Variants in MYO10 observed in about 807,000 individuals in gnomAD.
MYO10 encodes unconventional myosin-X.
MYO10 carries 133 observed loss-of-function variants against 257.3 expected under a neutral mutation model. The observed-to-expected ratio is 0.52, with a 90% CI of 0.45 to 0.60. The LOEUF is 0.60. Ranked by LOEUF, MYO10 falls within the 20% of genes least tolerant of loss-of-function variation. The pLI, the probability that MYO10 is intolerant of heterozygous loss-of-function variation, is 0.00. For missense variants in MYO10, 2,399 were observed against 2,635.7 expected (o/e 0.91, Z 1.97); for synonymous variants, 1,104 against 1,028.6 (o/e 1.07, Z -1.40).
intron 21 of MYO10, 82 bp from the exon 22 acceptor site, chr5:16,704,767 G>A (rs1738252777): frequency 2.8e-6 from 3 of 1,078,056 alleles, no homozygotes; most frequent in African/African-American, 1.6e-5. Context: ...GATATCTTCT[G>A]GAGTTAAGGC....
chr5:16,902,674 A>T lies in MYO10; in HGVS notation c.22-24967T>A, dbSNP rs553434464. ...GCATGGACCGGAGAGAGGCCCGGCT[A>T]ATTTTTTGTATTTTTAGTGGAGATG... On this transcript the variant is annotated intron_variant, in intron 1 of 40. Transcript: ENST00000513610. The T allele has an allele frequency of 2.8e-6, 3 of 1,086,188 alleles. No individual in the cohort carries two copies. In the Admixed American group the frequency reaches 5.1e-5, roughly 18 times the overall value. The allele number at this position is 1,086,188 out of a possible 1,614,324, so 67.3% of individuals were successfully genotyped here.
chr5:16,832,387 T>C (rs1743188090), intron 2 of MYO10, among the ~76,000 whole-genome samples: 2 of 152,226 alleles, frequency 1.3e-5, no homozygotes, highest in Non-Finnish European at 1.5e-5. Flanking sequence ...AATACATTTT[T>C]ATAAAATGAG....
intron 4 of MYO10, among the ~76,000 whole-genome samples, chr5:16,791,887 T>C (rs961476217): frequency 3.9e-5 from 6 of 152,212 alleles, no homozygotes; most frequent in South Asian, 2.1e-4. Flanking sequence ...AATTGTTTTA[T>C]TGGGTATGTG....
intron 26 of MYO10, among the ~76,000 whole-genome samples, chr5:16,698,994 T>C (rs1354256878): frequency 6.6e-6 from 1 of 151,944 alleles, no homozygotes; most frequent in African/African-American, 2.4e-5. Flanking sequence ...CACATTGGTT[T>C]GTATGTCTGT....
intron 1 of MYO10, among the ~76,000 whole-genome samples, chr5:16,921,248 T>C (rs1231980758): frequency 7.3e-6 from 1 of 137,182 alleles, no homozygotes; most frequent in Non-Finnish European, 1.6e-5. Flanking sequence ...CCTCAAAGCT[T>C]TGCGAGAGAA....
intron 2 of MYO10, among the ~76,000 whole-genome samples, chr5:16,866,050 CACACACACAA>C (rs896822850): frequency 6.7e-6 from 1 of 148,260 alleles, no homozygotes; most frequent in African/African-American, 2.5e-5. Flanking sequence ...CACACACACA[CACACACACAA>C]AACAATAGAG....
chr5:16,665,220 AAC>A lies in MYO10; in HGVS notation c.*1470_*1471del, dbSNP rs1491428608. On this transcript the variant is annotated 3_prime_UTR_variant, in exon 41 of 41. Coordinates refer to ENST00000513610, the MANE Select transcript of MYO10 (RefSeq NM_012334.3). ...TCTGTCTCTAAAGAAAAAAAAAAAA[AAC>A]CACCAAAAAGCCAAAACAAAAATAA... 1.3e-5 allele frequency: 2 copies of A among 151,160 alleles called. No individual in the cohort carries two copies. Among genetic ancestry groups the A allele is most frequent in the African/African-American group, 4.9e-5 (2 of 41,172 alleles). 9.4% of individuals were successfully genotyped at this position (151,160 alleles called of 1,614,324 possible).
rs771000086 is a variant in MYO10 at position 16,681,364 on chromosome 5, G to T, written c.4329C>A (p.Val1443=). Residue 1443 remains valine, a synonymous_variant, in exon 32 of 41, where the codon GTC becomes GTA. Transcript: ENST00000513610. ...EKNALKLGTL[V]LNSLCSVVPP... is the part of the protein sequence containing the mutation. Reference sequence around the variant, plus strand: ...GGACGACAGAGCAGAGGCTGTTGAGGACCAGGGTCCCCAGTTTGAGCGCGT... The same window carrying T: ...GGACGACAGAGCAGAGGCTGTTGAGTACCAGGGTCCCCAGTTTGAGCGCGT... 1.2e-6 allele frequency: 2 copies of T among 1,613,838 alleles called. No homozygotes were observed. Among genetic ancestry groups the T allele is most frequent in the African/African-American group, 1.3e-5 (1 of 74,910 alleles).
At chr5:16,869,076 G>A (rs544899003) in intron 2 of MYO10, among the ~76,000 whole-genome samples, 88 of 152,198 alleles carry the variant, frequency 5.8e-4, no homozygotes, top group African/African-American at 2.1e-3. Context: ...CCAGCGTGGA[G>A]TGCAGTGGCG....
At chr5:16,884,219 T>C (rs539433377) in intron 1 of MYO10, among the ~76,000 whole-genome samples, 276 of 152,206 alleles carry the variant, frequency 1.8e-3, no homozygotes, top group African/African-American at 6.3e-3. Context: ...GGAGAGACCC[T>C]GTCTCTTATT....
intron 19 of MYO10, among the ~76,000 whole-genome samples, chr5:16,752,760 G>C (rs1740416308): frequency 6.6e-6 from 1 of 152,226 alleles, no homozygotes; most frequent in African/African-American, 2.4e-5. Context: ...CTGCCCACCA[G>C]AGTGTACAAA....
intron 2 of MYO10, among the ~76,000 whole-genome samples, chr5:16,869,970 C>T (rs897673160): frequency 6.6e-6 from 1 of 150,482 alleles, no homozygotes; most frequent in African/African-American, 2.5e-5. Flanking sequence ...GGAAAGGAAG[C>T]AGGCAGGTGT....
Position 16,668,264 on chromosome 5 carries a change from C to A in MYO10, c.6075+13G>T. 1 of 1,594,106 alleles carries A rather than the reference C, an allele frequency of 6.3e-7. No homozygotes were observed. Among genetic ancestry groups the A allele is most frequent in the Non-Finnish European group, 8.5e-7 (1 of 1,171,056 alleles). Reference sequence around the variant, plus strand: ...GACCATGAATAAAAAGATGAACTTGCTTTGCCTCTTACCTCACTGGTTTCA... The same window carrying A: ...GACCATGAATAAAAAGATGAACTTGATTTGCCTCTTACCTCACTGGTTTCA... On this transcript the variant is annotated intron_variant, in intron 40 of 40. Transcript: ENST00000513610.
At chr5:16,861,767 C>T (rs1193512025) in intron 2 of MYO10, among the ~76,000 whole-genome samples, 2 of 152,160 alleles carry the variant, frequency 1.3e-5, no homozygotes, top group Non-Finnish European at 2.9e-5. Flanking sequence ...TTACCAGTCT[C>T]ACTCCGTCTT....
chr5:16,930,699 G>A (rs1440578016), intron 1 of MYO10, among the ~76,000 whole-genome samples: 4 of 152,030 alleles, frequency 2.6e-5, no homozygotes, highest in African/African-American at 4.8e-5. Context: ...TCTCAAATTC[G>A]GCTGATAACC....
In MYO10 at chr5:16,907,953, C is replaced by T. The variant is rs567432464; in HGVS notation, c.21+27835G>A. Among the ~76,000 whole-genome samples, 3 of 152,300 alleles carry T rather than the reference C, an allele frequency of 2.0e-5. No individual in the cohort carries two copies. In the South Asian group the frequency reaches 6.2e-4, roughly 32 times the overall value. Reference sequence around the variant, plus strand: ...TCACTTAAAACTAAGGCAAACATGGCCAGGCTCGGTGGCTCACGCCTGTAA... The same window carrying T: ...TCACTTAAAACTAAGGCAAACATGGTCAGGCTCGGTGGCTCACGCCTGTAA... On this transcript the variant is annotated intron_variant, in intron 1 of 40. Coordinates refer to ENST00000513610, the MANE Select transcript of MYO10 (RefSeq NM_012334.3).
At chr5:16,769,260 T>C in intron 9 of MYO10, 57 bp from the exon 10 acceptor site, 1 of 1,496,344 alleles carries the variant, frequency 6.7e-7, no homozygotes, top group Non-Finnish European at 9.0e-7. Context: ...GAAGAAAATG[T>C]AGAATATCCC....
chr5:16,924,391 C>T (rs905571884), intron 1 of MYO10, among the ~76,000 whole-genome samples: 1 of 152,124 alleles, frequency 6.6e-6, no homozygotes, highest in African/African-American at 2.4e-5. Flanking sequence ...GTTACAAAAT[C>T]CCCGGGGTCA....
At chr5:16,812,792 A>C (rs550113877) in intron 3 of MYO10, among the ~76,000 whole-genome samples, 7 of 148,168 alleles carry the variant, frequency 4.7e-5, no homozygotes, top group Non-Finnish European at 1.0e-4. Context: ...AGGGATTATG[A>C]TATCTGACCT....
Sources: gnomAD v4.1 joint callset for allele counts (sites outside exome capture counted in the v4.1 genomes callset) on GRCh38, gnomAD v4.1.1 for gene constraint, MANE v1.5 for transcripts, NCBI Gene and HGNC (gene_info 2026-07-23, HGNC 2026-07-21) for gene names.